The following C10orf105 variants were observed in gnomAD, a reference collection of about 807,000 sequenced individuals.
C10orf105 encodes the protein uncharacterized protein C10orf105.
C10orf105 carries 2 observed loss-of-function variants against 0.6 expected under a neutral mutation model. The ratio of observed to expected loss-of-function variants is 3.18; its 90% CI spans 1.30 to 10.01. The LOEUF is 10.01. Ranked by LOEUF, C10orf105 falls within the 30% of genes most tolerant of loss-of-function variation. The pLI, the probability that C10orf105 is intolerant of heterozygous loss-of-function variation, is 0.04. For missense variants in C10orf105, 209 were observed against 191.4 expected (o/e 1.09, Z -0.54); for synonymous variants, 95 against 82.4 (o/e 1.15, Z -0.83).
At chr10:71,723,679 C>T (rs534618578), upstream of C10orf105, among the ~76,000 whole-genome samples, 19 of 152,244 alleles carry the variant, frequency 1.2e-4, no homozygotes, top group Admixed American at 2.0e-4. Flanking sequence ...GGGAGAGGCT[C>T]CTGGGCTCTG....
At chr10:71,724,129 G>A (rs1397145429), upstream of C10orf105, 1 of 1,552,734 alleles carries the variant, frequency 6.4e-7, no homozygotes, top group Non-Finnish European at 8.7e-7. Context: ...CCCTAGGATG[G>A]GGGGCGGTCC....
At chr10:71,725,509 A>C in intron 1 of C10orf105, 2 of 1,613,256 alleles carry the variant, frequency 1.2e-6, no homozygotes, top group Non-Finnish European at 1.7e-6. Flanking sequence ...CCCCATGCGG[A>C]GCTCCGTCAG....
At chr10:71,716,699 G>C (rs1464991461) in intron 1 of C10orf105, 2 of 207,636 alleles carry the variant, frequency 9.6e-6, no homozygotes, top group African/African-American at 4.6e-5. Flanking sequence ...TCAATAACTT[G>C]CTCTGTGGCC....
Position 71,715,970 on chromosome 10 carries a change from C to T in C10orf105, c.368G>A (p.Ser123Asn), listed in dbSNP as rs924759034. The change falls in exon 2 of 2, where the codon AGC (serine) becomes AAC (asparagine). Residue 123 changes from serine (S) to asparagine (N), a missense_variant. Ser to Asn is a conservative substitution (Grantham distance 46, BLOSUM62 1). Transcript: ENST00000441508. ...QPLPGPEDNR[S>N]HCDYMESTKM is the part of the protein sequence containing the mutation. ...GGTAGATTCCATGTAGTCACAGTGG[C>T]TGCGGTTGTCCTCGGGGCCCGGCAG... is the stretch of plus-strand genomic sequence containing the variant. The T allele has an allele frequency of 4.0e-6, 6 of 1,487,376 alleles. No homozygotes were observed. The Admixed American group carries it at 1.3e-4, about 32-fold the overall frequency. 92.1% of individuals were successfully genotyped at this position (1,487,376 alleles called of 1,614,324 possible). A position where few individuals can be genotyped will look rare whatever the true frequency, so the allele number is the denominator to read the frequency against.
In C10orf105 at chr10:71,725,490, C is replaced by T. The variant is rs752279244; in HGVS notation, c.-5-9148G>A. On this transcript the variant is annotated intron_variant, in intron 1 of 1. Coordinates refer to the C10orf105 transcript ENST00000398786. ...TGCTGATAGTGGAGGCCTACAACCA[C>T]GACCTGGGCCCCATGCGGAGCTCCG... is the stretch of plus-strand genomic sequence containing the variant. The T allele has an allele frequency of 8.1e-6, 13 of 1,613,824 alleles. No individual in the cohort carries two copies. The highest frequency in any genetic ancestry group is 4.0e-5 in the African/African-American group (3 of 75,064).
chr10:71,725,938 A>T (rs139918253), intron 1 of C10orf105, among the ~76,000 whole-genome samples: 9 of 151,320 alleles, frequency 5.9e-5, no homozygotes, highest in African/African-American at 1.9e-4. Flanking sequence ...TGGAGCCCCC[A>T]TCTTCTGAAT....
At chr10:71,736,703 A>G (rs1377207939) in intron 1 of C10orf105, among the ~76,000 whole-genome samples, 3 of 152,188 alleles carry the variant, frequency 2.0e-5, no homozygotes, top group Non-Finnish European at 4.4e-5. Context: ...AGCAGTAGTC[A>G]TTGTGGGAAC....
Position 71,712,458 on chromosome 10 carries a change from G to A in C10orf105, c.*3478C>T. 1 of 576,592 alleles carries A rather than the reference G, an allele frequency of 1.7e-6. No homozygotes were observed. Among genetic ancestry groups the A allele is most frequent in the Non-Finnish European group, 3.1e-6 (1 of 322,894 alleles). The allele number at this position is 576,592 out of a possible 1,614,324, so 35.7% of individuals were successfully genotyped here. ...GCTGTGAGGACTGAATGGGTTAGAA[G>A]AATGGCTGGCACATGGTGTTATCTA... On this transcript the variant is annotated 3_prime_UTR_variant, in exon 2 of 2. Coordinates refer to ENST00000441508, the MANE Select transcript of C10orf105 (RefSeq NM_001164375.3).
At position 71,715,783 on chromosome 10, in the gene C10orf105, C is replaced by T. The variant is rs1320828535; in HGVS notation, c.*153G>A. 14 of 653,736 alleles carry T rather than the reference C, an allele frequency of 2.1e-5. No homozygotes were observed. The highest frequency in any genetic ancestry group is 3.1e-5 in the Non-Finnish European group (13 of 415,170). The allele number at this position is 653,736 out of a possible 1,614,324, so 40.5% of individuals were successfully genotyped here. The stretch of plus-strand genomic sequence containing the variant: ...TGAGGATCATCTTTGGGAAAGGGCG[C>T]TGGCCTGGGCATGCAAGGAGCTTCG... On this transcript the variant is annotated 3_prime_UTR_variant, in exon 2 of 2. Transcript: ENST00000441508.
At chr10:71,725,569 C>T (rs752078066) in intron 1 of C10orf105, 1 of 1,583,814 alleles carries the variant, frequency 6.3e-7, no homozygotes, top group Admixed American at 1.8e-5. Context: ...GGGGCCAAGC[C>T]CACAGCTAGA....
chr10:71,732,349 G>A (rs2132826229), intron 1 of C10orf105: 1 of 1,575,714 alleles, frequency 6.3e-7, no homozygotes, highest in Non-Finnish European at 8.6e-7. Context: ...CCAGGCCAAA[G>A]CCCTCTTCAA....
At chr10:71,728,701 G>A (rs1329727660) in intron 1 of C10orf105, among the ~76,000 whole-genome samples, 9 of 152,136 alleles carry the variant, frequency 5.9e-5, no homozygotes, top group Admixed American at 2.0e-4. Context: ...AGTTCCTACC[G>A]GCCCCAGCTC....
chr10:71,713,342 A>T lies in C10orf105; in HGVS notation c.*2594T>A, dbSNP rs1398908268. On this transcript the variant is annotated 3_prime_UTR_variant, in exon 2 of 2. Transcript: ENST00000441508. ...GAAAACAATTTGGGTGTGCACCCAC[A>T]CCTCTGCCCAGAGGCCTCAGTTGCT... 1 of 770,752 alleles carries T rather than the reference A, an allele frequency of 1.3e-6. No homozygotes were observed. The highest frequency in any genetic ancestry group is 2.4e-6 in the Non-Finnish European group (1 of 414,054). 47.7% of individuals were successfully genotyped at this position (770,752 alleles called of 1,614,324 possible). A position where few individuals can be genotyped will look rare whatever the true frequency, so the allele number is the denominator to read the frequency against.
upstream of C10orf105, among the ~76,000 whole-genome samples, chr10:71,722,816 T>C (rs1866619724): frequency 6.6e-6 from 1 of 152,122 alleles, no homozygotes; most frequent in African/African-American, 2.4e-5. Context: ...CAGCACACGC[T>C]TGGTGTTCAA....
chr10:71,713,359 TCA>T lies in C10orf105; in HGVS notation c.*2575_*2576del, dbSNP rs1346514571. The T allele has an allele frequency of 1.3e-6, 1 of 754,226 alleles. No homozygotes were observed. The highest frequency in any genetic ancestry group is 1.8e-5 in the Admixed American group (1 of 55,616). The allele number at this position is 754,226 out of a possible 1,614,324, so 46.7% of individuals were successfully genotyped here. On this transcript the variant is annotated 3_prime_UTR_variant, in exon 2 of 2. Transcript: ENST00000441508. ...GCACCCACACCTCTGCCCAGAGGCC[TCA>T]GTTGCTGGGTGGGGAGGGAGGCCCG...
At chr10:71,737,196 G>A (rs1839590936) in intron 1 of C10orf105, among the ~76,000 whole-genome samples, 2 of 152,222 alleles carry the variant, frequency 1.3e-5, no homozygotes, top group Admixed American at 6.5e-5. Flanking sequence ...ACTCATGACA[G>A]ATGGGTAGAG....
intron 1 of C10orf105, among the ~76,000 whole-genome samples, chr10:71,718,237 A>T (rs2132779678): frequency 6.6e-6 from 1 of 152,232 alleles, no homozygotes; most frequent in East Asian, 1.9e-4. Context: ...GGAGTGGGCC[A>T]CCTAGTTCCC....
In C10orf105 at chr10:71,714,526, C is replaced by T. The variant is rs2132765687; in HGVS notation, c.*1410G>A. The stretch of plus-strand genomic sequence containing the variant: ...GTAGGGGCGGCTCCAGGCAGGAGGG[C>T]TTCACAGAGTGGGTGTGTGTGAAGC... On this transcript the variant is annotated 3_prime_UTR_variant, in exon 2 of 2. Transcript: ENST00000441508. 6.6e-6 allele frequency: 1 copy of T among 152,356 alleles called. No homozygotes were observed. The highest frequency in any genetic ancestry group is 2.4e-5 in the African/African-American group (1 of 41,556). 9.4% of individuals were successfully genotyped at this position (152,356 alleles called of 1,614,324 possible). A position where few individuals can be genotyped will look rare whatever the true frequency, so the allele number is the denominator to read the frequency against.
intron 1 of C10orf105, among the ~76,000 whole-genome samples, chr10:71,728,757 A>C (rs527804212): frequency 6.6e-6 from 1 of 152,168 alleles, no homozygotes; most frequent in East Asian, 1.9e-4. Context: ...GGGCCAGCTC[A>C]CCCCAGCATA....
Sources: allele counts gnomAD v4.1 joint callset (sites outside exome capture counted in the v4.1 genomes callset), GRCh38; gene constraint gnomAD v4.1.1; transcripts MANE v1.5; gene names NCBI Gene and HGNC (gene_info 2026-07-23, HGNC 2026-07-21).